The following CYP3A7 variants were observed in gnomAD, a reference collection of about 807,000 sequenced individuals.
CYP3A7 encodes the protein cytochrome P450 family 3 subfamily A member 7, also known as cytochrome P450 3A7.
In CYP3A7, 45 loss-of-function variants were observed where a neutral mutation model predicts 55.2. That is an observed-to-expected ratio of 0.82 (90% CI 0.64 to 1.05). The LOEUF (loss-of-function observed/expected upper bound fraction) is 1.05. Ranked by LOEUF, CYP3A7 falls within the 50% of genes least tolerant of loss-of-function variation. The pLI, the probability that CYP3A7 is intolerant of heterozygous loss-of-function variation, is 0.00. For synonymous variants in CYP3A7, 180 were observed against 207.4 expected (o/e 0.87, Z 1.13); for missense variants, 548 against 605.3 (o/e 0.91, Z 0.99).
intron 7 of CYP3A7, chr7:99,715,267 G>GC (rs1813896405): frequency 1.1e-5 from 2 of 180,302 alleles, no homozygotes; most frequent in Non-Finnish European, 2.4e-5. Context: ...GCAAACAAGT[G>GC]CCCAGAGGGA....
intron 9 of CYP3A7, 137 bp from the exon 10 acceptor site, chr7:99,711,029 T>C (rs1273393109): frequency 1.4e-6 from 2 of 1,439,502 alleles, no homozygotes; most frequent in Non-Finnish European, 1.9e-6. Flanking sequence ...TCACTGGGGG[T>C]GGTTTCACTC....
intron 2 of CYP3A7, chr7:99,730,751 G>T: frequency 3.0e-6 from 1 of 330,524 alleles, no homozygotes; most frequent in Non-Finnish European, 5.7e-6. Flanking sequence ...TACCTTCCTG[G>T]GAACCTGCCT....
intron 6 of CYP3A7, 75 bp from the exon 7 acceptor site, chr7:99,715,981 T>G (rs747883016): frequency 6.2e-7 from 1 of 1,610,696 alleles, no homozygotes; most frequent in Non-Finnish European, 8.5e-7. Flanking sequence ...CAGCAGGAAA[T>G]CCACATGTCC....
intron 12 of CYP3A7, among the ~76,000 whole-genome samples, chr7:99,707,089 C>T (rs2687078): frequency 0.75 from 113,918 of 152,056 alleles, 46,277 homozygotes; most frequent in Non-Finnish European, 0.91. Context: ...GGGAATTGAA[C>T]TAGGACTTGA....
chr7:99,708,375 A>G (rs1337714961), intron 11 of CYP3A7, among the ~76,000 whole-genome samples: 1 of 152,132 alleles, frequency 6.6e-6, no homozygotes, highest in Non-Finnish European at 1.5e-5. Context: ...ATTGTCTTGC[A>G]CTACTTCAAA....
chr7:99,729,036 G>A (rs73713595), intron 2 of CYP3A7, among the ~76,000 whole-genome samples: 12,237 of 152,098 alleles, frequency 0.08, 606 homozygotes, highest in African/African-American at 0.13. Flanking sequence ...CCTGGTATAT[G>A]ACAATATAAA....
intron 11 of CYP3A7, among the ~76,000 whole-genome samples, 188 bp from the exon 12 acceptor site, chr7:99,708,162 C>G (rs1262343761): frequency 2.0e-5 from 3 of 152,166 alleles, no homozygotes; most frequent in African/African-American, 7.2e-5. Context: ...CCTTTCTACT[C>G]TCCTTACATT....
chr7:99,705,477 C>G lies in CYP3A7; in HGVS notation c.*23G>C. 1.2e-6 allele frequency: 2 copies of G among 1,611,974 alleles called. No individual in the cohort carries two copies. Among genetic ancestry groups the G allele is most frequent in the Non-Finnish European group, 1.7e-6 (2 of 1,178,468 alleles). ...TCTGGGGCACAGCTTTCTTAAAGAG[C>G]AAACCAGAAGTCCTTAGGGAAATCA... On this transcript the variant is annotated 3_prime_UTR_variant, in exon 13 of 13. Coordinates refer to ENST00000336374, the MANE Select transcript of CYP3A7 (RefSeq NM_000765.5).
At chr7:99,719,108 G>C (rs1311503408) in intron 4 of CYP3A7, among the ~76,000 whole-genome samples, 1 of 152,138 alleles carries the variant, frequency 6.6e-6, no homozygotes, top group Non-Finnish European at 1.5e-5. Flanking sequence ...TTCAATTCTT[G>C]TTAAAATAAC....
At chr7:99,731,822 C>G (rs928199727) in intron 1 of CYP3A7, among the ~76,000 whole-genome samples, 1 of 152,104 alleles carries the variant, frequency 6.6e-6, no homozygotes, top group Non-Finnish European at 1.5e-5. Context: ...GAAGTGCGAG[C>G]ACCTTTTAGC....
chr7:99,707,992 G>T lies in CYP3A7; in HGVS notation c.1254-18C>A, dbSNP rs2151500388. On this transcript the variant is annotated intron_variant, in intron 11 of 12. Coordinates refer to ENST00000336374, the MANE Select transcript of CYP3A7 (RefSeq NM_000765.5). ...TACTGAACCTGGTTCCATATTGGTA[G>T]ATATTTTAAAAGTTAAAGACATAAT... is the stretch of plus-strand genomic sequence containing the variant. 6.2e-7 allele frequency: 1 copy of T among 1,613,656 alleles called. No individual in the cohort carries two copies. The highest frequency in any genetic ancestry group is 1.1e-5 in the South Asian group (1 of 91,068).
At chr7:99,724,319 G>A (rs1355613866) in intron 2 of CYP3A7, among the ~76,000 whole-genome samples, 2 of 152,164 alleles carry the variant, frequency 1.3e-5, no homozygotes, top group Non-Finnish European at 2.9e-5. Context: ...GCCAGAAAAT[G>A]ACACTTTTGA....
chr7:99,708,892 G>T, intron 11 of CYP3A7, 143 bp downstream of exon 11: 1 of 977,156 alleles, frequency 1.0e-6, no homozygotes, highest in Admixed American at 2.3e-5. Flanking sequence ...GTGTGACAAT[G>T]ATCAATTTCA....
At position 99,707,917 on chromosome 7, in the gene CYP3A7, A is replaced by G. The variant is rs890586113; in HGVS notation, c.1311T>C (p.Ser437=). ...IDPYIYTPFG[S]GPRNCIGMRF... ...TCATGCCAATGCAGTTTCTGGGTCC[A>G]CTTCCAAAGGGTGTGTATATGTAAG... The change falls in exon 12 of 13, where the codon AGT becomes AGC. Residue 437 remains serine (S), a synonymous_variant. Transcript: ENST00000336374. The G allele has an allele frequency of 6.8e-6, 11 of 1,614,046 alleles. No homozygotes were observed. Among genetic ancestry groups the G allele is most frequent in the Admixed American group, 6.7e-5 (4 of 60,012 alleles).
intron 2 of CYP3A7, among the ~76,000 whole-genome samples, chr7:99,729,962 GA>G (rs539010587): frequency 2.0e-5 from 3 of 152,152 alleles, no homozygotes; most frequent in South Asian, 4.1e-4. Context: ...TTTGCAGAGG[GA>G]AAAAATATGA....
At chr7:99,722,624 C>A (rs1814247719) in intron 2 of CYP3A7, among the ~76,000 whole-genome samples, 1 of 152,150 alleles carries the variant, frequency 6.6e-6, no homozygotes, top group Non-Finnish European at 1.5e-5. Context: ...TTTCTGATGT[C>A]TCTTTGCTTT....
rs748318414 is a variant in CYP3A7 at position 99,717,247 on chromosome 7, G to C, written c.451C>G (p.Gln151Glu). The C allele has an allele frequency of 6.2e-7, 1 of 1,613,802 alleles. No individual in the cohort carries two copies. The highest frequency in any genetic ancestry group is 1.6e-4 in the Middle Eastern group (1 of 6,080). Reference protein sequence around the residue: ...KLKEMVPIIAQYGDVLVRNLR... With the variant: ...KLKEMVPIIAEYGDVLVRNLR... ...TTTCTCACCAACACATCTCCATACT[G>C]GGCAATGATAGGGACCATCTAAGCA... The change falls in exon 6 of 13, where the codon CAG becomes GAG. Residue 151 changes from glutamine to glutamate, a missense_variant. By Grantham distance (29) the Gln-to-Glu change is conservative. Transcript: ENST00000336374.
intron 1 of CYP3A7, among the ~76,000 whole-genome samples, chr7:99,734,447 A>G (rs1260652820): frequency 6.6e-6 from 1 of 152,066 alleles, no homozygotes; most frequent in African/African-American, 2.4e-5. Flanking sequence ...ACCATTGTCT[A>G]TTAGATTATC....
chr7:99,733,354 T>A (rs1428697030), intron 1 of CYP3A7, among the ~76,000 whole-genome samples: 1 of 152,222 alleles, frequency 6.6e-6, no homozygotes, highest in Non-Finnish European at 1.5e-5. Flanking sequence ...AGGCAGAGGC[T>A]GTGCTTGGCA....
Sources: gnomAD v4.1 joint callset for allele counts (sites outside exome capture counted in the v4.1 genomes callset) on GRCh38, gnomAD v4.1.1 for gene constraint, MANE v1.5 for transcripts, NCBI Gene and HGNC (gene_info 2026-07-23, HGNC 2026-07-21) for gene names.